AGBL1: variants seen among roughly 807,000 people sequenced by gnomAD.
AGBL1 encodes the protein AGBL carboxypeptidase 1.
A neutral mutation model predicts 118.9 loss-of-function variants in AGBL1; 130 were observed. The observed-to-expected ratio is 1.09, with a 90% CI of 0.95 to 1.26. The LOEUF is 1.26. AGBL1 is among the 50% of genes most tolerant of loss of function. The pLI is 0.00. For missense variants in AGBL1, 1,584 were observed against 1,298.1 expected (o/e 1.22, Z -3.38); for synonymous variants, 555 against 478.9 (o/e 1.16, Z -2.08).
chr15:86,817,522 TACACAC>T (rs145360496), intron 22 of AGBL1, among the ~76,000 whole-genome samples: 62 of 93,816 alleles, frequency 6.6e-4, no homozygotes, highest in African/African-American at 1.4e-3. Flanking sequence ...GAGACAGGCA[TACACAC>T]ACACACACAC....
chr15:86,721,458 G>A (rs1327030555), intron 22 of AGBL1, among the ~76,000 whole-genome samples: 1 of 152,130 alleles, frequency 6.6e-6, no homozygotes, highest in African/African-American at 2.4e-5. Flanking sequence ...AACGCTTCAT[G>A]CTAAAAACTC....
At chr15:86,209,999 A>AG (rs1243300318) in intron 5 of AGBL1, among the ~76,000 whole-genome samples, 9 of 152,114 alleles carry the variant, frequency 5.9e-5, no homozygotes, top group African/African-American at 1.2e-4. Flanking sequence ...AGCTCTTGTA[A>AG]GGCAGGCCTG....
intron 21 of AGBL1, among the ~76,000 whole-genome samples, chr15:86,626,879 C>G (rs1317452649): frequency 6.6e-6 from 1 of 151,050 alleles, no homozygotes; most frequent in Non-Finnish European, 1.5e-5. Flanking sequence ...ACTCTGTCCC[C>G]CAGGTTGGAG....
intron 21 of AGBL1, among the ~76,000 whole-genome samples, chr15:86,654,144 C>T (rs749526451): frequency 3.9e-5 from 6 of 151,970 alleles, no homozygotes; most frequent in African/African-American, 7.3e-5. Context: ...TCTCTATGGG[C>T]CAAGCAGATC....
chr15:86,147,740 C>T (rs1028916423), intron 3 of AGBL1, among the ~76,000 whole-genome samples: 1 of 152,204 alleles, frequency 6.6e-6, no homozygotes, highest in Non-Finnish European at 1.5e-5. Flanking sequence ...TCTGACAACT[C>T]TGAAGAGAGC....
At chr15:86,516,746 A>G (rs1157053676) in intron 18 of AGBL1, among the ~76,000 whole-genome samples, 1 of 148,410 alleles carries the variant, frequency 6.7e-6, no homozygotes, top group Non-Finnish European at 1.5e-5. Context: ...GGTTGCAGTG[A>G]GCCGGGATGG....
At chr15:86,431,445 A>G (rs567576858) in intron 18 of AGBL1, among the ~76,000 whole-genome samples, 6 of 152,290 alleles carry the variant, frequency 3.9e-5, no homozygotes, top group African/African-American at 1.4e-4. Flanking sequence ...CTGTTACCAT[A>G]TACATTTCCG....
intron 22 of AGBL1, among the ~76,000 whole-genome samples, chr15:86,845,434 A>G (rs2079304755): frequency 6.6e-6 from 1 of 152,114 alleles, no homozygotes; most frequent in Non-Finnish European, 1.5e-5. Context: ...CCAACCTTGC[A>G]TTCTTAGGAT....
At chr15:86,775,072 G>A (rs2078235895) in intron 22 of AGBL1, among the ~76,000 whole-genome samples, 1 of 152,194 alleles carries the variant, frequency 6.6e-6, no homozygotes, top group East Asian at 1.9e-4. Context: ...ACACAGTGGT[G>A]TTCAAAACAG....
intron 17 of AGBL1, among the ~76,000 whole-genome samples, chr15:86,358,700 AAAT>A (rs566381197): frequency 1.2e-3 from 184 of 151,966 alleles, no homozygotes; most frequent in African/African-American, 4.2e-3. Context: ...TATCTTTTTT[AAAT>A]AATAGCCATT....
In AGBL1 at chr15:86,380,316, A is replaced by G. The variant is rs149815708; in HGVS notation, c.2375-17050A>G. 5.3e-3 allele frequency among the ~76,000 whole-genome samples: 648 copies of G among 122,670 alleles called. 5 individuals are homozygous for G. The highest frequency in any genetic ancestry group is 0.02 in the African/African-American group (616 of 30,194). The allele number at this position is 122,670 out of a possible 152,430, so 80.5% of individuals were successfully genotyped here. On this transcript the variant is annotated intron_variant, in intron 17 of 22. Coordinates refer to ENST00000614907, the MANE Select transcript of AGBL1 (RefSeq NM_001386094.1). ...CTTTTTCTTTTTGAGACAGAGTCCC[A>G]CTGTGTCGCCCAGGCTGGAGGACAG... is the stretch of plus-strand genomic sequence containing the variant.
chr15:86,346,514 T>C (rs1331019194), intron 17 of AGBL1, among the ~76,000 whole-genome samples: 1 of 151,698 alleles, frequency 6.6e-6, no homozygotes, highest in African/African-American at 2.4e-5. Context: ...GCCTGGCTAA[T>C]ATTTTTTGTG....
chr15:86,115,118 G>T (rs1454538877), intron 1 of AGBL1, among the ~76,000 whole-genome samples: 2 of 152,132 alleles, frequency 1.3e-5, no homozygotes, highest in East Asian at 1.9e-4. Flanking sequence ...ATCTCAAAAT[G>T]ACACAATGAG....
intron 23 of AGBL1, among the ~76,000 whole-genome samples, chr15:86,955,895 T>C (rs915620897): frequency 2.0e-5 from 3 of 152,116 alleles, no homozygotes; most frequent in Non-Finnish European, 4.4e-5. Context: ...ATATATGTTA[T>C]TGTGGCCATG....
At chr15:86,929,817 G>C (rs770359599) in intron 23 of AGBL1, among the ~76,000 whole-genome samples, 2 of 152,166 alleles carry the variant, frequency 1.3e-5, no homozygotes, top group Non-Finnish European at 2.9e-5. Flanking sequence ...TCCAACTGAA[G>C]TTCTATATAT....
chr15:86,936,467 G>A (rs1256469454), intron 23 of AGBL1, among the ~76,000 whole-genome samples: 1 of 151,984 alleles, frequency 6.6e-6, no homozygotes, highest in Non-Finnish European at 1.5e-5. Flanking sequence ...TGTAGATAGG[G>A]GAATGTTAGC....
intron 18 of AGBL1, among the ~76,000 whole-genome samples, chr15:86,456,109 AC>A (rs1446744670): frequency 2.0e-5 from 3 of 152,190 alleles, no homozygotes; most frequent in Non-Finnish European, 2.9e-5. Context: ...TGAAATTTCA[AC>A]CAATTTTAAA....
chr15:86,516,297 T>G (rs1040439880), intron 18 of AGBL1, among the ~76,000 whole-genome samples: 4 of 152,212 alleles, frequency 2.6e-5, no homozygotes, highest in African/African-American at 7.2e-5. Context: ...GTAGCTATCT[T>G]ATTTGGTAAT....
chr15:86,934,247 A>G (rs545036250), intron 23 of AGBL1, among the ~76,000 whole-genome samples: 1 of 152,258 alleles, frequency 6.6e-6, no homozygotes, highest in South Asian at 2.1e-4. Flanking sequence ...TGTTAACCCA[A>G]TGTTCCCAGT....
Sources: gnomAD v4.1 joint callset for allele counts (sites outside exome capture counted in the v4.1 genomes callset) on GRCh38, gnomAD v4.1.1 for gene constraint, MANE v1.5 for transcripts, NCBI Gene and HGNC (gene_info 2026-07-23, HGNC 2026-07-21) for gene names.